TYR: variants seen among roughly 807,000 people sequenced by gnomAD.
TYR encodes LB24-AB.
In TYR, 58 loss-of-function variants were observed where a neutral mutation model predicts 51.5. The observed-to-expected ratio is 1.13, with a 90% CI of 0.91 to 1.40. The LOEUF is 1.40. Among genes scored for constraint, TYR ranks in the 40% most tolerant of loss-of-function variants. The pLI is 0.00. For synonymous variants in TYR, 263 were observed against 235.2 expected, an observed-to-expected ratio of 1.12 and a Z score of -1.08; for missense variants, 732 against 647.4, an observed-to-expected ratio of 1.13 and a Z score of -1.42.
intron 3 of TYR, among the ~76,000 whole-genome samples, chr11:89,250,364 A>G (rs1462888630): frequency 6.6e-6 from 1 of 151,982 alleles, no homozygotes; most frequent in Non-Finnish European, 1.5e-5. Flanking sequence ...TTTTAGCACT[A>G]TTAATTGACT....
chr11:89,189,559 C>A (rs1178926142), intron 1 of TYR, among the ~76,000 whole-genome samples: 2 of 151,954 alleles, frequency 1.3e-5, no homozygotes, highest in African/African-American at 4.8e-5. Flanking sequence ...TTTAAAGCTA[C>A]TGTTTATTGA....
intron 3 of TYR, among the ~76,000 whole-genome samples, chr11:89,236,966 G>A (rs1453230583): frequency 1.3e-5 from 2 of 151,992 alleles, no homozygotes; most frequent in South Asian, 2.1e-4. Context: ...ACCTCAGGTC[G>A]GTATCCTGAA....
rs566877090 is a variant in TYR, at chr11:89,260,226, G to T, written c.1185-24547G>T. Among the ~76,000 whole-genome samples the T allele has an allele frequency of 9.4e-3, 1,402 of 149,842 alleles. 21 individuals are homozygous for T. The highest frequency in any genetic ancestry group is 0.033 in the African/African-American group (1,347 of 40,732). On this transcript the variant is annotated intron_variant, in intron 3 of 4. Coordinates refer to ENST00000263321, the MANE Select transcript of TYR (RefSeq NM_000372.5). ...CCCTGAACTTCTACTTCCATTGAGAGTAGCCACTTTGAAGAATAAAATGCA... is the reference window on the plus strand; with the variant it reads ...CCCTGAACTTCTACTTCCATTGAGATTAGCCACTTTGAAGAATAAAATGCA...
chr11:89,223,863 T>C (rs569282005), intron 2 of TYR, among the ~76,000 whole-genome samples: 2 of 152,012 alleles, frequency 1.3e-5, no homozygotes, highest in African/African-American at 4.8e-5. Context: ...TCTAAGCACA[T>C]ATCACAATGT....
chr11:89,255,792 A>G (rs567463889), intron 3 of TYR, among the ~76,000 whole-genome samples: 1 of 151,572 alleles, frequency 6.6e-6, no homozygotes, highest in Non-Finnish European at 1.5e-5. Context: ...TATCTCTTCT[A>G]ATTTTTTATA....
intron 2 of TYR, among the ~76,000 whole-genome samples, chr11:89,201,618 T>G (rs1389779865): frequency 6.6e-6 from 1 of 152,232 alleles, no homozygotes; most frequent in African/African-American, 2.4e-5. Context: ...TACAGTACAC[T>G]TGGTTGCCAC....
chr11:89,283,645 G>A (rs1262081964), intron 3 of TYR: 2 of 151,710 alleles, frequency 1.3e-5, no homozygotes, highest in Non-Finnish European at 2.9e-5. Flanking sequence ...ACAGAGCTAG[G>A]CCTCAAGAAG....
intron 3 of TYR, among the ~76,000 whole-genome samples, chr11:89,228,712 A>G (rs1209914916): frequency 7.9e-5 from 12 of 152,180 alleles, no homozygotes. Context: ...CAACTGTCCT[A>G]TTTAATGTGA....
At chr11:89,290,348 G>C (rs1411536131) in intron 4 of TYR, among the ~76,000 whole-genome samples, 2 of 152,060 alleles carry the variant, frequency 1.3e-5, no homozygotes, top group African/African-American at 4.8e-5. Flanking sequence ...ATGAATTAAA[G>C]TGGAGCAATA....
intron 3 of TYR, among the ~76,000 whole-genome samples, chr11:89,245,546 G>A (rs932952010): frequency 6.6e-6 from 1 of 152,194 alleles, no homozygotes; most frequent in Non-Finnish European, 1.5e-5. Context: ...TGCTGCAGGA[G>A]GCATTCCAAG....
intron 1 of TYR, among the ~76,000 whole-genome samples, chr11:89,188,404 C>A (rs72963135): frequency 0.17 from 25,353 of 151,950 alleles, 2,922 homozygotes; most frequent in Non-Finnish European, 0.26. Flanking sequence ...TATGAGAGTT[C>A]TTTTGATTAC....
intron 1 of TYR, among the ~76,000 whole-genome samples, chr11:89,181,454 C>T (rs1357903639): frequency 6.6e-6 from 1 of 152,142 alleles, no homozygotes; most frequent in Admixed American, 6.6e-5. Flanking sequence ...AATAAACACA[C>T]CATTAATTTG....
At chr11:89,229,042 A>T (rs183064373) in intron 3 of TYR, among the ~76,000 whole-genome samples, 8 of 152,002 alleles carry the variant, frequency 5.3e-5, no homozygotes, top group Non-Finnish European at 1.0e-4. Flanking sequence ...AAATAAGAGG[A>T]GTTATTTTTC....
At chr11:89,277,698 G>T (rs1175537942) in intron 3 of TYR, among the ~76,000 whole-genome samples, 1 of 151,600 alleles carries the variant, frequency 6.6e-6, no homozygotes, top group East Asian at 1.9e-4. Flanking sequence ...CAAACACTTT[G>T]CTCAGTAGCA....
chr11:89,238,970 C>T (rs1944157361), intron 3 of TYR, among the ~76,000 whole-genome samples: 1 of 152,108 alleles, frequency 6.6e-6, no homozygotes, highest in African/African-American at 2.4e-5. Flanking sequence ...AATTCACTGT[C>T]AAATTCAGTG....
At chr11:89,208,599 T>C (rs1943706073) in intron 2 of TYR, among the ~76,000 whole-genome samples, 1 of 152,198 alleles carries the variant, frequency 6.6e-6, no homozygotes, top group Non-Finnish European at 1.5e-5. Context: ...TGAATAATTA[T>C]TGTGCCAGAG....
At chr11:89,224,149 T>C (rs571873484) in intron 2 of TYR, among the ~76,000 whole-genome samples, 2 of 152,296 alleles carry the variant, frequency 1.3e-5, no homozygotes, top group Admixed American at 6.5e-5. Flanking sequence ...TGGTACCTAA[T>C]GGTTGCAGCA....
chr11:89,224,284 T>C (rs1047506225), intron 2 of TYR, among the ~76,000 whole-genome samples: 3 of 152,184 alleles, frequency 2.0e-5, no homozygotes, highest in African/African-American at 7.2e-5. Context: ...ACCAGATCTG[T>C]ACTAGGTGCT....
intron 4 of TYR, among the ~76,000 whole-genome samples, chr11:89,288,166 C>T (rs547418745): frequency 1.9e-3 from 285 of 151,914 alleles, no homozygotes; most frequent in African/African-American, 6.5e-3. Flanking sequence ...CGGTGTCTGG[C>T]CCTCAGATCC....
Sources: gnomAD v4.1 joint callset for allele counts (sites outside exome capture counted in the v4.1 genomes callset) on GRCh38, gnomAD v4.1.1 for gene constraint, MANE v1.5 for transcripts, NCBI Gene and HGNC (gene_info 2026-07-23, HGNC 2026-07-21) for gene names.